Variants in ASIC2 observed in about 807,000 individuals in gnomAD.
ASIC2 encodes acid-sensing ion channel 2.
A neutral mutation model predicts 57.3 loss-of-function variants in ASIC2; 25 were observed. That is an observed-to-expected ratio of 0.44 (90% CI 0.32 to 0.61). The LOEUF (loss-of-function observed/expected upper bound fraction) is 0.61. ASIC2 is among the 20% of genes least tolerant of loss of function. The pLI is 0.06. For missense variants in ASIC2, 641 were observed against 738.1 expected (o/e 0.87, Z 1.52); for synonymous variants, 319 against 307.5 (o/e 1.04, Z -0.39).
At chr17:33,734,008 C>T (rs191566253) in intron 1 of ASIC2, among the ~76,000 whole-genome samples, 39 of 152,306 alleles carry the variant, frequency 2.6e-4, no homozygotes, top group Admixed American at 1.4e-3. Flanking sequence ...TCCCCTCCCC[C>T]TAGGCCTCTG....
intron 1 of ASIC2, among the ~76,000 whole-genome samples, chr17:33,585,246 G>GAGCCAGGCAGGCCACA (rs1567660817): frequency 6.6e-6 from 1 of 152,228 alleles, no homozygotes; most frequent in African/African-American, 2.4e-5. Flanking sequence ...GGCAGGCCAC[G>GAGCCAGGCAGGCCACA]TGGCTCATGG....
intron 1 of ASIC2, among the ~76,000 whole-genome samples, chr17:33,456,116 T>C (rs1392938256): frequency 1.3e-5 from 2 of 152,192 alleles, no homozygotes; most frequent in Non-Finnish European, 2.9e-5. Flanking sequence ...CTTAATATGT[T>C]TTCCTTGAAT....
In ASIC2 at chr17:33,501,344, G is replaced by C. The variant is rs1233003703; in HGVS notation, c.556-389277C>G. 2.0e-5 allele frequency among the ~76,000 whole-genome samples: 3 copies of C among 152,208 alleles called. No homozygotes were observed. In the East Asian group the frequency reaches 5.8e-4, roughly 29 times the overall value. On this transcript the variant is annotated intron_variant, in intron 1 of 9. Transcript: ENST00000359872. ...TCTGCTGCCTGTGCGTTGGGAGGCA[G>C]ACACATGTCAGAAAATACAGACAGG...
intron 1 of ASIC2, among the ~76,000 whole-genome samples, chr17:33,826,938 A>G (rs1261166166): frequency 1.3e-5 from 2 of 152,184 alleles, no homozygotes; most frequent in Non-Finnish European, 2.9e-5. Context: ...TGGCATAGAG[A>G]ATGGAGAAAC....
intron 1 of ASIC2, among the ~76,000 whole-genome samples, chr17:33,769,450 C>G (rs1567710929): frequency 6.6e-6 from 1 of 152,148 alleles, no homozygotes; most frequent in Non-Finnish European, 1.5e-5. Context: ...TGCTGGAAGT[C>G]CAGCAAAGGG....
chr17:33,413,854 G>A (rs1158242591), intron 1 of ASIC2, among the ~76,000 whole-genome samples: 8 of 152,204 alleles, frequency 5.3e-5, no homozygotes, highest in African/African-American at 1.7e-4. Flanking sequence ...GCACTGGCCC[G>A]GGTTATTTTA....
In ASIC2 at chr17:33,506,576, G is replaced by A. The variant is rs1914270130; in HGVS notation, c.556-394509C>T. ...CTTGATTAGCACTAATTATGGGGGT[G>A]TGTGTGTGTGTACCGTGTACATGCA... On this transcript the variant is annotated intron_variant, in intron 1 of 9. Coordinates refer to the ASIC2 transcript ENST00000359872. Among the ~76,000 whole-genome samples, 2 of 151,898 alleles carry A rather than the reference G, an allele frequency of 1.3e-5. 1 individual carries two copies. Among genetic ancestry groups the A allele is most frequent in the South Asian group, 4.1e-4 (2 of 4,822 alleles).
chr17:33,133,440 A>G (rs2092355502), intron 1 of ASIC2, among the ~76,000 whole-genome samples: 1 of 152,172 alleles, frequency 6.6e-6, no homozygotes, highest in African/African-American at 2.4e-5. Flanking sequence ...AGGCTGGGTA[A>G]AGGCCAGATG....
intron 1 of ASIC2, among the ~76,000 whole-genome samples, chr17:33,382,037 C>G (rs1205285903): frequency 1.3e-5 from 2 of 152,104 alleles, no homozygotes; most frequent in African/African-American, 4.8e-5. Flanking sequence ...CCATGTTAGT[C>G]CCACGTTGGA....
intron 1 of ASIC2, among the ~76,000 whole-genome samples, chr17:33,855,839 G>A (rs924927084): frequency 6.6e-6 from 1 of 152,178 alleles, no homozygotes; most frequent in Non-Finnish European, 1.5e-5. Flanking sequence ...AACTTCTCAT[G>A]AGACAGGAGT....
At chr17:33,108,094 C>A (rs979585016) in intron 2 of ASIC2, among the ~76,000 whole-genome samples, 6 of 152,284 alleles carry the variant, frequency 3.9e-5, no homozygotes, top group Middle Eastern at 6.8e-3. Flanking sequence ...CCTGTAAAGC[C>A]AGTGGGTTTT....
intron 1 of ASIC2, among the ~76,000 whole-genome samples, chr17:34,053,667 TTG>T (rs1908652088): frequency 6.6e-6 from 1 of 152,112 alleles, no homozygotes; most frequent in South Asian, 2.1e-4. Context: ...TAAAAGGAAA[TTG>T]AGAGACAGAG....
chr17:33,604,620 TGGG>T (rs1406895417), intron 1 of ASIC2, among the ~76,000 whole-genome samples: 2 of 151,978 alleles, frequency 1.3e-5, no homozygotes, highest in African/African-American at 4.8e-5. Flanking sequence ...TGGAGTGAAT[TGGG>T]TCCTCAGAGA....
intron 1 of ASIC2, among the ~76,000 whole-genome samples, chr17:33,971,145 C>A (rs761631616): frequency 6.6e-6 from 1 of 152,206 alleles, no homozygotes; most frequent in Non-Finnish European, 1.5e-5. Flanking sequence ...AGAAATGATT[C>A]ACAGCCAAAT....
chr17:33,229,981 C>G (rs764252663), intron 1 of ASIC2, among the ~76,000 whole-genome samples: 2 of 152,152 alleles, frequency 1.3e-5, no homozygotes, highest in Admixed American at 1.3e-4. Flanking sequence ...TGTCCTGATT[C>G]TGGGATTCTG....
chr17:33,687,251 G>C (rs1388262317), intron 1 of ASIC2, among the ~76,000 whole-genome samples: 1 of 152,184 alleles, frequency 6.6e-6, no homozygotes, highest in African/African-American at 2.4e-5. Flanking sequence ...CATGAACGGA[G>C]TGGCGTCAGT....
At chr17:33,661,549 C>T (rs541511915) in intron 1 of ASIC2, among the ~76,000 whole-genome samples, 1 of 152,192 alleles carries the variant, frequency 6.6e-6, no homozygotes, top group Non-Finnish European at 1.5e-5. Context: ...CTCGGTTTCC[C>T]TATCTTATTC....
intron 1 of ASIC2, among the ~76,000 whole-genome samples, chr17:34,000,177 C>T (rs1906290491): frequency 6.7e-6 from 1 of 149,640 alleles, no homozygotes; most frequent in African/African-American, 2.5e-5. Context: ...AGTTGCTTTT[C>T]TCTTGATGCT....
At chr17:33,038,139 C>A (rs2091916647) in intron 3 of ASIC2, among the ~76,000 whole-genome samples, 1 of 152,214 alleles carries the variant, frequency 6.6e-6, no homozygotes, top group Non-Finnish European at 1.5e-5. Flanking sequence ...TCAGCCCCAG[C>A]TTTTAGTTTC....
Sources: gnomAD v4.1 joint callset for allele counts (sites outside exome capture counted in the v4.1 genomes callset) on GRCh38, gnomAD v4.1.1 for gene constraint, MANE v1.5 for transcripts, NCBI Gene and HGNC (gene_info 2026-07-23, HGNC 2026-07-21) for gene names.